The following NPFFR2 variants were observed in gnomAD, a reference collection of about 807,000 sequenced individuals.
NPFFR2 encodes the protein neuropeptide FF receptor 2.
In NPFFR2, 15 loss-of-function variants were observed where a neutral mutation model predicts 13.1. The ratio of observed to expected loss-of-function variants is 1.15; its 90% CI spans 0.77 to 1.76. The LOEUF (loss-of-function observed/expected upper bound fraction) is 1.76, where lower values mean the gene tolerates loss of function less well. Among genes scored for constraint, NPFFR2 ranks in the 40% most tolerant of loss-of-function variants. NPFFR2 has a pLI of 0.00. For missense variants in NPFFR2, 572 were observed against 503.5 expected, an observed-to-expected ratio of 1.14 and a Z score of -1.30; for synonymous variants, 190 against 175.7, an observed-to-expected ratio of 1.08 and a Z score of -0.65.
intron 1 of NPFFR2, among the ~76,000 whole-genome samples, chr4:72,101,290 A>G (rs1323630233): frequency 6.6e-6 from 1 of 151,982 alleles, no homozygotes; most frequent in Non-Finnish European, 1.5e-5. Context: ...TATCCAATCT[A>G]AGAATCCCAA....
chr4:72,122,325 T>C (rs982455600), intron 1 of NPFFR2, among the ~76,000 whole-genome samples: 1 of 152,068 alleles, frequency 6.6e-6, no homozygotes, highest in African/African-American at 2.4e-5. Context: ...CACCCCACTG[T>C]CAATATTAGA....
At chr4:72,105,834 T>C (rs1721403292) in intron 1 of NPFFR2, among the ~76,000 whole-genome samples, 1 of 152,070 alleles carries the variant, frequency 6.6e-6, no homozygotes, top group African/African-American at 2.4e-5. Context: ...CATGCTAGAC[T>C]ATTCCTAGAT....
At chr4:72,124,827 A>G (rs1721989545) in intron 1 of NPFFR2, among the ~76,000 whole-genome samples, 1 of 152,186 alleles carries the variant, frequency 6.6e-6, no homozygotes, top group Non-Finnish European at 1.5e-5. Flanking sequence ...CCCTAGAAGA[A>G]AACCTAGGCA....
intron 1 of NPFFR2, among the ~76,000 whole-genome samples, chr4:72,054,415 C>T (rs1719682996): frequency 1.3e-5 from 2 of 151,890 alleles, no homozygotes; most frequent in Non-Finnish European, 2.9e-5. Flanking sequence ...AGTACTGGAA[C>T]TACCAAATAT....
At chr4:72,036,918 A>C (rs577466949) in intron 1 of NPFFR2, among the ~76,000 whole-genome samples, 9 of 152,206 alleles carry the variant, frequency 5.9e-5, no homozygotes, top group African/African-American at 9.7e-5. Context: ...TATGATTCTC[A>C]TATCTTGGGA....
At chr4:72,077,317 G>A (rs1309274794) in intron 1 of NPFFR2, among the ~76,000 whole-genome samples, 4 of 152,088 alleles carry the variant, frequency 2.6e-5, no homozygotes, top group African/African-American at 4.8e-5. Flanking sequence ...TTTTATGAAA[G>A]TACTAAAAGC....
At chr4:72,121,043 G>A (rs1162969690) in intron 1 of NPFFR2, among the ~76,000 whole-genome samples, 2 of 152,032 alleles carry the variant, frequency 1.3e-5, no homozygotes, top group Non-Finnish European at 2.9e-5. Flanking sequence ...AACCAGTTTA[G>A]AGAAGAACAT....
chr4:72,068,942 A>T, intron 1 of NPFFR2: 1 of 1,410,522 alleles, frequency 7.1e-7, no homozygotes, highest in East Asian at 2.8e-5. Context: ...TAGGATGTTA[A>T]TTATAGCTTT....
At chr4:72,146,255 C>T (rs1722780000) in intron 3 of NPFFR2, among the ~76,000 whole-genome samples, 1 of 152,200 alleles carries the variant, frequency 6.6e-6, no homozygotes, top group Admixed American at 6.5e-5. Flanking sequence ...GGGGCTGGAA[C>T]ATCCAAAATG....
intron 1 of NPFFR2, among the ~76,000 whole-genome samples, chr4:72,073,805 C>A (rs1250967264): frequency 6.6e-6 from 1 of 151,730 alleles, no homozygotes; most frequent in Non-Finnish European, 1.5e-5. Context: ...GGTATAAATT[C>A]AAATTGGTGT....
intron 3 of NPFFR2, among the ~76,000 whole-genome samples, chr4:72,139,104 G>T (rs1722514058): frequency 1.6e-5 from 2 of 126,966 alleles, no homozygotes; most frequent in South Asian, 4.4e-4. Flanking sequence ...CTTTTTGATG[G>T]GGTTGTTTTT....
At chr4:72,075,469 G>A (rs1174838814) in intron 1 of NPFFR2, among the ~76,000 whole-genome samples, 1 of 152,108 alleles carries the variant, frequency 6.6e-6, no homozygotes, top group East Asian at 1.9e-4. Context: ...GAAATACACA[G>A]TTTTACAATA....
intron 1 of NPFFR2, among the ~76,000 whole-genome samples, chr4:72,103,701 T>A (rs1721325255): frequency 6.6e-6 from 1 of 152,046 alleles, no homozygotes; most frequent in South Asian, 2.1e-4. Flanking sequence ...AAAAAGACAC[T>A]AAATTAGTTA....
intron 1 of NPFFR2, among the ~76,000 whole-genome samples, chr4:72,098,300 T>C (rs1177827179): frequency 1.3e-5 from 2 of 152,162 alleles, no homozygotes; most frequent in African/African-American, 4.8e-5. Flanking sequence ...TAAAAAGAGA[T>C]AAAATGGTAC....
Position 72,137,813 on chromosome 4 carries a change from T to C in NPFFR2, c.329-227T>C, listed in dbSNP as rs189623683. ...TATGTTAATAGACAGAGACCACTTA[T>C]AGTGCCTGGAATGTGATAACTACTA... On this transcript the variant is annotated intron_variant, in intron 2 of 3. Transcript: ENST00000308744. Among the ~76,000 whole-genome samples the C allele has an allele frequency of 3.3e-5, 5 of 152,340 alleles. No individual in the cohort carries two copies. The East Asian group carries it at 5.8e-4, about 18-fold the overall frequency.
chr4:72,072,598 T>C (rs192855888), intron 1 of NPFFR2, among the ~76,000 whole-genome samples: 53 of 152,080 alleles, frequency 3.5e-4, no homozygotes, highest in African/African-American at 1.2e-3. Flanking sequence ...GATCAACATA[T>C]ACATTATGAA....
At chr4:72,097,461 A>G (rs563528803) in intron 1 of NPFFR2, among the ~76,000 whole-genome samples, 3 of 152,242 alleles carry the variant, frequency 2.0e-5, no homozygotes, top group African/African-American at 7.2e-5. Context: ...ACCAGCTCAT[A>G]AGGTAACCAA....
At chr4:72,094,194 T>G (rs962588508) in intron 1 of NPFFR2, among the ~76,000 whole-genome samples, 2 of 152,156 alleles carry the variant, frequency 1.3e-5, no homozygotes, top group Non-Finnish European at 2.9e-5. Flanking sequence ...TGTCTTCAGG[T>G]CTCTCAGCTG....
At chr4:72,120,948 C>T (rs976450138) in intron 1 of NPFFR2, among the ~76,000 whole-genome samples, 1 of 152,014 alleles carries the variant, frequency 6.6e-6, no homozygotes, top group Middle Eastern at 3.4e-3. Context: ...ATAACAAACT[C>T]TTCCAAGCTA....
Sources: gnomAD v4.1 joint callset for allele counts (sites outside exome capture counted in the v4.1 genomes callset) on GRCh38, gnomAD v4.1.1 for gene constraint, MANE v1.5 for transcripts, NCBI Gene and HGNC (gene_info 2026-07-23, HGNC 2026-07-21) for gene names.